The following QTGAL variants were observed in gnomAD, a reference collection of about 807,000 sequenced individuals.
QTGAL encodes the protein BGnT-like protein 1.
chr17:83,014,967 C>G, the QTGAL span, among the ~76,000 whole-genome samples: 1 of 152,290 alleles, frequency 6.6e-6, no homozygotes, highest in Non-Finnish European at 1.5e-5. Flanking sequence ...CCATGCACTG[C>G]TGGCTGCGAT....
the QTGAL span, among the ~76,000 whole-genome samples, chr17:82,996,090 A>G: frequency 2.6e-5 from 4 of 152,264 alleles, no homozygotes; most frequent in Non-Finnish European, 4.4e-5. Flanking sequence ...AAGAAATTAA[A>G]GAAGGCACCA....
At chr17:83,018,473 T>G in the QTGAL span, among the ~76,000 whole-genome samples, 1 of 152,212 alleles carries the variant, frequency 6.6e-6, no homozygotes, top group Non-Finnish European at 1.5e-5. Flanking sequence ...TTTTTTTATA[T>G]TTATCACACT....
chr17:83,013,585 G>T, the QTGAL span, among the ~76,000 whole-genome samples: 1 of 151,620 alleles, frequency 6.6e-6, no homozygotes, highest in African/African-American at 2.4e-5. Context: ...TCCCAGCGCC[G>T]TGTGGGCCAG....
the QTGAL span, among the ~76,000 whole-genome samples, chr17:83,034,211 A>G: frequency 6.6e-6 from 1 of 152,150 alleles, no homozygotes; most frequent in Non-Finnish European, 1.5e-5. Flanking sequence ...AAGTGCTGGG[A>G]TTACAGGCGT....
At chr17:82,976,230 C>T in the QTGAL span, among the ~76,000 whole-genome samples, 56 of 70,798 alleles carry the variant, frequency 7.9e-4, 2 homozygotes, top group Admixed American at 1.4e-3. Flanking sequence ...CAGAGCCGGA[C>T]TCCATCCTCC....
the QTGAL span, chr17:82,960,476 T>A: frequency 6.6e-6 from 1 of 152,222 alleles, no homozygotes; most frequent in Non-Finnish European, 1.5e-5. Flanking sequence ...GAGGGAACTG[T>A]CTGCCCGGAT....
chr17:83,024,838 C>T, the QTGAL span, among the ~76,000 whole-genome samples: 5 of 152,328 alleles, frequency 3.3e-5, no homozygotes, highest in Non-Finnish European at 5.9e-5. Context: ...GGGCCTGGGC[C>T]GTGCTGCTCA....
the QTGAL span, among the ~76,000 whole-genome samples, chr17:83,037,668 G>T: frequency 3.3e-5 from 5 of 152,188 alleles, no homozygotes; most frequent in African/African-American, 1.2e-4. The surrounding 1 kb of genome is among the most constrained non-coding windows in gnomAD (Gnocchi z 5.2). Flanking sequence ...AGGACGAAGG[G>T]CCGGAAGGGG....
At chr17:83,021,922 C>T in the QTGAL span, among the ~76,000 whole-genome samples, 4 of 152,236 alleles carry the variant, frequency 2.6e-5, no homozygotes, top group Admixed American at 1.3e-4. Context: ...TTTGGATCCA[C>T]TGATTTTCAA....
At chr17:83,012,969 T>G in the QTGAL span, among the ~76,000 whole-genome samples, 1 of 151,838 alleles carries the variant, frequency 6.6e-6, no homozygotes, top group Non-Finnish European at 1.5e-5. Flanking sequence ...TCCCAGGCAG[T>G]CCATGCCTGT....
chr17:82,942,450 C>G, the QTGAL span: 9 of 1,613,964 alleles, frequency 5.6e-6, no homozygotes, highest in Non-Finnish European at 7.6e-6. Context: ...CTTCTTCAGC[C>G]TGGTGCCTGC....
the QTGAL span, among the ~76,000 whole-genome samples, chr17:83,011,139 AG>A: frequency 1.3e-5 from 2 of 152,216 alleles, no homozygotes; most frequent in African/African-American, 4.8e-5. Context: ...CCAGGCACAG[AG>A]GTGGGAAACC....
chr17:83,028,351 C>T, the QTGAL span, among the ~76,000 whole-genome samples: 2 of 150,750 alleles, frequency 1.3e-5, no homozygotes, highest in African/African-American at 4.9e-5. Flanking sequence ...GGTGAAACCC[C>T]GTCTCTACTA....
the QTGAL span, among the ~76,000 whole-genome samples, chr17:83,047,008 G>A: frequency 6.6e-6 from 1 of 152,248 alleles, no homozygotes; most frequent in Non-Finnish European, 1.5e-5. Flanking sequence ...GAAATGTCCA[G>A]AACAGGCAAA....
the QTGAL span, among the ~76,000 whole-genome samples, chr17:82,986,218 G>A: frequency 5.3e-5 from 8 of 152,182 alleles, no homozygotes; most frequent in African/African-American, 9.6e-5. Flanking sequence ...TGCTGCCGCC[G>A]GTGCAGACAG....
chr17:82,946,230 A>C, the QTGAL span, among the ~76,000 whole-genome samples: 5 of 152,258 alleles, frequency 3.3e-5, no homozygotes, highest in Admixed American at 6.5e-5. Flanking sequence ...CAAGCTGCAA[A>C]ACACACACAC....
At chr17:83,004,719 T>C in the QTGAL span, among the ~76,000 whole-genome samples, 115 of 129,804 alleles carry the variant, frequency 8.9e-4, no homozygotes, top group Non-Finnish European at 9.8e-4. Flanking sequence ...TCCCACTCTC[T>C]GCAGTCCGCG....
the QTGAL span, among the ~76,000 whole-genome samples, chr17:82,988,387 C>T: frequency 1.6e-4 from 24 of 152,170 alleles, no homozygotes; most frequent in Non-Finnish European, 2.8e-4. Context: ...AACGTAAAAC[C>T]CAAAACTACA....
the QTGAL span, chr17:83,034,908 A>C: frequency 1.3e-6 from 1 of 765,942 alleles, no homozygotes; most frequent in Non-Finnish European, 2.1e-6. Context: ...AAAACGGACT[A>C]ACACATTATT....
Sources: allele counts gnomAD v4.1 joint callset (sites outside exome capture counted in the v4.1 genomes callset), GRCh38; gene constraint gnomAD v4.1.1; non-coding constraint Gnocchi (gnomAD v3.1); transcripts MANE v1.5; gene names NCBI Gene and HGNC (gene_info 2026-07-23, HGNC 2026-07-21).